Variants in ZNF618 observed in about 807,000 individuals in gnomAD.
ZNF618 encodes the protein neural precursor cell expressed, developmentally down-regulated 10.
In ZNF618, 34 loss-of-function variants were observed where a neutral mutation model predicts 103.0. The observed-to-expected ratio is 0.33, with a 90% CI of 0.25 to 0.44. The LOEUF is 0.44. Among genes scored for constraint, ZNF618 ranks in the 20% least tolerant of loss-of-function variants. The pLI is 1.00. For synonymous variants in ZNF618, 551 were observed against 542.2 expected, an observed-to-expected ratio of 1.02 and a Z score of -0.23; for missense variants, 1,059 against 1,295.4, an observed-to-expected ratio of 0.82 and a Z score of 2.80.
At chr9:113,879,206 G>A (rs887835383) in intron 1 of ZNF618, among the ~76,000 whole-genome samples, 56 of 151,966 alleles carry the variant, frequency 3.7e-4, no homozygotes, top group African/African-American at 1.3e-3. Flanking sequence ...GAAAAAGTCA[G>A]GGTTGTAGAT....
intron 1 of ZNF618, among the ~76,000 whole-genome samples, chr9:113,944,077 A>C (rs1834785509): frequency 6.6e-6 from 1 of 151,928 alleles, no homozygotes; most frequent in Non-Finnish European, 1.5e-5. Context: ...CCCTGCTCAC[A>C]CCTCGCCCTG....
rs1290259914 is a variant in ZNF618, at chr9:114,008,512, G to T, written c.712G>T (p.Val238Leu). The stretch of plus-strand genomic sequence containing the variant: ...CCAAGGTGTCGTGGCCACGGACGAG[G>T]TGAAGGAGGAGCCCCCGGAGCCATT... Reference protein sequence around the residue: ...FDQGVVATDEVKEEPPEPFQK... With the variant: ...FDQGVVATDELKEEPPEPFQK... Residue 238 changes from valine (V) to leucine (L), a missense_variant, in exon 9 of 15, where the codon GTG becomes TTG. Transcript: ENST00000374126. The T allele has an allele frequency of 1.2e-6, 2 of 1,613,872 alleles. No individual in the cohort carries two copies. Among genetic ancestry groups the T allele is most frequent in the Non-Finnish European group, 1.7e-6 (2 of 1,179,878 alleles).
intron 13 of ZNF618, among the ~76,000 whole-genome samples, chr9:114,047,447 T>A (rs546147563): frequency 7.9e-5 from 12 of 152,348 alleles, no homozygotes; most frequent in African/African-American, 2.4e-4. Flanking sequence ...AAATGCAAAC[T>A]TTGCGAAAGT....
intron 2 of ZNF618, among the ~76,000 whole-genome samples, chr9:113,982,601 A>G (rs1465735647): frequency 6.6e-6 from 1 of 152,226 alleles, no homozygotes; most frequent in Non-Finnish European, 1.5e-5. Flanking sequence ...TCAGGAGATT[A>G]GGATGTGGAC....
chr9:113,937,513 A>G (rs890511529), intron 1 of ZNF618, among the ~76,000 whole-genome samples: 2 of 152,132 alleles, frequency 1.3e-5, no homozygotes, highest in Admixed American at 1.3e-4. Flanking sequence ...TCTGAGTGAA[A>G]TTGTTTTCCT....
chr9:113,926,590 A>T (rs1372772754), intron 1 of ZNF618, among the ~76,000 whole-genome samples: 2 of 151,590 alleles, frequency 1.3e-5, no homozygotes, highest in South Asian at 4.2e-4. Context: ...TTTTCTATTT[A>T]TGAAATTTCT....
intron 1 of ZNF618, among the ~76,000 whole-genome samples, chr9:113,924,590 G>A (rs894606501): frequency 2.7e-5 from 4 of 150,914 alleles, no homozygotes; most frequent in Non-Finnish European, 4.4e-5. Context: ...CTTGCCTTTG[G>A]TTTATATTGT....
At chr9:113,888,187 C>A (rs1429728853) in intron 1 of ZNF618, among the ~76,000 whole-genome samples, 1 of 152,188 alleles carries the variant, frequency 6.6e-6, no homozygotes, top group Non-Finnish European at 1.5e-5. Context: ...TTGAATCTTA[C>A]CATTCCCGTT....
At chr9:114,008,587 G>A (rs1235194949) in intron 9 of ZNF618, 33 bp downstream of exon 9, 1 of 1,611,020 alleles carries the variant, frequency 6.2e-7, no homozygotes, top group East Asian at 2.2e-5. Flanking sequence ...CCAAGGGCTG[G>A]GTGGGGGCTG....
intron 13 of ZNF618, among the ~76,000 whole-genome samples, chr9:114,041,176 T>C (rs1845143693): frequency 1.3e-5 from 2 of 152,274 alleles, no homozygotes; most frequent in South Asian, 4.1e-4. Context: ...TTTGATGGGG[T>C]TGTTTTTTTT....
chr9:114,042,668 A>G (rs1845315452), intron 13 of ZNF618, among the ~76,000 whole-genome samples: 1 of 152,180 alleles, frequency 6.6e-6, no homozygotes, highest in African/African-American at 2.4e-5. Flanking sequence ...TGTCTCTACA[A>G]AAAAATTAAA....
chr9:113,955,806 C>T (rs1212264089), intron 1 of ZNF618, among the ~76,000 whole-genome samples: 1 of 152,042 alleles, frequency 6.6e-6, no homozygotes, highest in Non-Finnish European at 1.5e-5. Flanking sequence ...GGTCTTCTTT[C>T]TTCTTTGATG....
intron 1 of ZNF618, among the ~76,000 whole-genome samples, chr9:113,910,288 A>T (rs1241099609): frequency 6.6e-6 from 1 of 152,096 alleles, no homozygotes; most frequent in African/African-American, 2.4e-5. Flanking sequence ...GCCTCTAAGT[A>T]GGGGAGCCTC....
At chr9:113,890,692 C>T (rs1182508071) in intron 1 of ZNF618, among the ~76,000 whole-genome samples, 2 of 152,188 alleles carry the variant, frequency 1.3e-5, no homozygotes, top group Non-Finnish European at 1.5e-5. Context: ...TGCCAAGTGT[C>T]TCCCAGCCAG....
At chr9:113,942,437 A>G (rs745628372) in intron 1 of ZNF618, among the ~76,000 whole-genome samples, 5 of 152,098 alleles carry the variant, frequency 3.3e-5, no homozygotes, top group Non-Finnish European at 7.4e-5. Flanking sequence ...GCCATAGAGA[A>G]AGAGCGGCCT....
intron 13 of ZNF618, among the ~76,000 whole-genome samples, chr9:114,045,569 T>A (rs1845583225): frequency 6.6e-6 from 1 of 152,064 alleles, no homozygotes; most frequent in Non-Finnish European, 1.5e-5. Flanking sequence ...TTGTATTCCT[T>A]TGATCTATAT....
intron 10 of ZNF618, among the ~76,000 whole-genome samples, chr9:114,023,361 C>T (rs993857934): frequency 6.6e-6 from 1 of 152,028 alleles, no homozygotes; most frequent in African/African-American, 2.4e-5. Flanking sequence ...TATCATAACA[C>T]ATTACATATA....
At chr9:114,032,080 G>A (rs1564324620) in intron 11 of ZNF618, among the ~76,000 whole-genome samples, 1 of 152,182 alleles carries the variant, frequency 6.6e-6, no homozygotes, top group African/African-American at 2.4e-5. Flanking sequence ...TCCGCTGGGG[G>A]AACAACTGAC....
intron 3 of ZNF618, among the ~76,000 whole-genome samples, chr9:113,990,687 G>A (rs1346815388): frequency 6.6e-6 from 1 of 152,180 alleles, no homozygotes; most frequent in Non-Finnish European, 1.5e-5. Flanking sequence ...GCCAGAGAGA[G>A]AGGTGTTAAT....
Sources: gnomAD v4.1 joint callset for allele counts (sites outside exome capture counted in the v4.1 genomes callset) on GRCh38, gnomAD v4.1.1 for gene constraint, MANE v1.5 for transcripts, NCBI Gene and HGNC (gene_info 2026-07-23, HGNC 2026-07-21) for gene names.